The following RAF1 variants were observed in gnomAD, a reference collection of about 807,000 sequenced individuals.
The protein encoded by RAF1 is RAF proto-oncogene serine/threonine-protein kinase.
RAF1 carries 27 observed loss-of-function variants against 81.1 expected under a neutral mutation model. That is an observed-to-expected ratio of 0.33 (90% CI 0.25 to 0.46). The LOEUF is 0.46. Among genes scored for constraint, RAF1 ranks in the 20% least tolerant of loss-of-function variants. RAF1 has a pLI of 1.00. For synonymous variants in RAF1, 298 were observed against 294.0 expected, an observed-to-expected ratio of 1.01 and a Z score of -0.14; for missense variants, 598 against 826.0, an observed-to-expected ratio of 0.72 and a Z score of 3.38.
intron 1 of RAF1, among the ~76,000 whole-genome samples, chr3:12,621,517 G>A (rs1325552328): frequency 6.6e-6 from 1 of 152,178 alleles, no homozygotes; most frequent in Non-Finnish European, 1.5e-5. Flanking sequence ...TCACAACATG[G>A]AGTTATTCTC....
At position 12,598,725 on chromosome 3, in the gene RAF1, C is replaced by CAAAAAAAAAAAAAAAAA. The variant is rs59472802; in HGVS notation, c.1168+949_1168+965dup. 9.8e-4 allele frequency among the ~76,000 whole-genome samples: 61 copies of CAAAAAAAAAAAAAAAAA among 61,990 alleles called. 2 individuals carry two copies. The highest frequency in any genetic ancestry group is 1.5e-3 in the Non-Finnish European group (47 of 32,144). The allele number at this position is 61,990 out of a possible 152,430, so 40.7% of individuals were successfully genotyped here. A position where few individuals can be genotyped will look rare whatever the true frequency, so the allele number is the denominator to read the frequency against. On this transcript the variant is annotated intron_variant, in intron 11 of 17. Transcript: ENST00000442415. ...TGGGCAACAGAGCAAGAATCTATCT[C>CAAAAAAAAAAAAAAAAA]AAAAAAAAAAAAAAAAAAAAAAAAA...
At chr3:12,597,925 TATAA>T (rs557574188) in intron 11 of RAF1, among the ~76,000 whole-genome samples, 101 of 149,590 alleles carry the variant, frequency 6.8e-4, no homozygotes, top group African/African-American at 2.4e-3. Flanking sequence ...TCTAAATACA[TATAA>T]ATAAATATTC....
chr3:12,660,566 G>T (rs1575693547), intron 1 of RAF1, among the ~76,000 whole-genome samples: 2 of 152,096 alleles, frequency 1.3e-5, no homozygotes, highest in South Asian at 2.1e-4. Flanking sequence ...CACCAGCCTC[G>T]GCCTCCCAAA....
chr3:12,658,736 C>T (rs2125587331), intron 1 of RAF1, among the ~76,000 whole-genome samples: 1 of 152,212 alleles, frequency 6.6e-6, no homozygotes, highest in East Asian at 1.9e-4. Flanking sequence ...ATTGTTAAGC[C>T]CCACCCAGTA....
chr3:12,608,987 T>G, intron 4 of RAF1, 64 bp from the exon 5 acceptor site: 1 of 1,584,568 alleles, frequency 6.3e-7, no homozygotes, highest in Non-Finnish European at 8.6e-7. Context: ...GACAACTTCA[T>G]TTCTTGGCCT....
chr3:12,637,553 T>C (rs553942340), intron 1 of RAF1, among the ~76,000 whole-genome samples: 9 of 152,164 alleles, frequency 5.9e-5, no homozygotes, highest in Non-Finnish European at 1.3e-4. Context: ...CTGTCCTCTA[T>C]GGAGCACAGT....
intron 1 of RAF1, among the ~76,000 whole-genome samples, chr3:12,644,800 A>C (rs764621134): frequency 6.6e-6 from 1 of 152,058 alleles, no homozygotes; most frequent in Non-Finnish European, 1.5e-5. Flanking sequence ...ACTATATTTC[A>C]CTCAAAAATA....
chr3:12,614,984 G>A (rs1487568349), intron 2 of RAF1, among the ~76,000 whole-genome samples: 2 of 152,186 alleles, frequency 1.3e-5, no homozygotes, highest in East Asian at 1.9e-4. Context: ...AAATCATACT[G>A]CAAGCTGGAC....
intron 5 of RAF1, among the ~76,000 whole-genome samples, chr3:12,606,704 GTATT>G (rs2059040885): frequency 6.6e-6 from 1 of 150,926 alleles, no homozygotes; most frequent in African/African-American, 2.5e-5. Context: ...GCTAATTTTC[GTATT>G]TTTTTTTTAA....
At chr3:12,635,637 C>CA (rs34576938) in intron 1 of RAF1, among the ~76,000 whole-genome samples, 187 of 73,158 alleles carry the variant, frequency 2.6e-3, no homozygotes, top group Non-Finnish European at 3.4e-3. Flanking sequence ...ACTCCAGCTC[C>CA]AAAAAAAAAA....
intron 14 of RAF1, 187 bp from the exon 14 acceptor site, chr3:12,585,986 G>C (rs1017513323): frequency 3.6e-5 from 21 of 590,958 alleles, no homozygotes; most frequent in Non-Finnish European, 5.5e-5. Context: ...CCAGAAGACA[G>C]GCAGGGATTG....
chr3:12,624,771 G>A (rs2059649298), intron 1 of RAF1, among the ~76,000 whole-genome samples: 4 of 151,886 alleles, frequency 2.6e-5, no homozygotes, highest in Admixed American at 1.3e-4. Flanking sequence ...GGAGACCAAG[G>A]TGGATGGATC....
At chr3:12,641,490 GTTT>G (rs747472648) in intron 1 of RAF1, among the ~76,000 whole-genome samples, 14 of 134,596 alleles carry the variant, frequency 1.0e-4, no homozygotes, top group East Asian at 2.2e-4. Context: ...ATGTTTTTTG[GTTT>G]TTTTTTTTTT....
rs755384884 is a variant in RAF1 at position 12,599,801 on chromosome 3, C to T, written c.1058G>A (p.Arg353His). The change falls in exon 11 of 18, where the codon CGT (arginine) becomes CAT (histidine). Residue 353 changes from arginine to histidine, a missense_variant. Physicochemically the swap from Arg to His is conservative, Grantham distance 29. Transcript: ENST00000442415. ...ATAATAGCTTGAATCTCTCTGTCCA[C>T]GAGGCCTCTGAAACAAGTAGAGATC... is the stretch of plus-strand genomic sequence containing the variant. 5 of 1,612,910 alleles carry T rather than the reference C, an allele frequency of 3.1e-6. No individual in the cohort carries two copies. The highest frequency in any genetic ancestry group is 4.2e-6 in the Non-Finnish European group (5 of 1,178,860).
rs1028137287 is a variant in RAF1, at chr3:12,649,568, C to G, written c.-27+14245G>C. Among the ~76,000 whole-genome samples the G allele has an allele frequency of 2.4e-4, 36 of 147,132 alleles. No individual in the cohort carries two copies. In the Admixed American group the frequency reaches 2.5e-3, roughly 10 times the overall value. On this transcript the variant is annotated intron_variant, in intron 1 of 17. Coordinates refer to ENST00000442415, the MANE Select transcript of RAF1 (RefSeq NM_001354689.3). ...GAGCTATGATCGTGCCACTGCACTCCAGCATGGGGGCCAGAGACTGTCACA... is the reference window on the plus strand; with the variant it reads ...GAGCTATGATCGTGCCACTGCACTCGAGCATGGGGGCCAGAGACTGTCACA...
chr3:12,632,052 G>C (rs57884385), intron 1 of RAF1, among the ~76,000 whole-genome samples: 32,190 of 151,916 alleles, frequency 0.21, 3,668 homozygotes, highest in African/African-American at 0.29. Flanking sequence ...TTTTGGCAGG[G>C]CACAGTGGCT....
At chr3:12,589,757 C>T (rs2058442405) in intron 13 of RAF1, 1 of 151,584 alleles carries the variant, frequency 6.6e-6, no homozygotes, top group South Asian at 2.1e-4. Context: ...AGAGTGAGAA[C>T]CTGTGTCTCT....
intron 2 of RAF1, among the ~76,000 whole-genome samples, chr3:12,617,943 C>T (rs186962253): frequency 1.3e-5 from 2 of 151,558 alleles, no homozygotes; most frequent in Admixed American, 1.3e-4. Context: ...GTGGCAGTGT[C>T]CTGCCATGAT....
chr3:12,612,169 C>T (rs1461969255), intron 2 of RAF1, 107 bp from the exon 3 acceptor site: 2 of 836,466 alleles, frequency 2.4e-6, no homozygotes, highest in African/African-American at 1.7e-5. Flanking sequence ...ATGGCCCACG[C>T]ACACACACAT....
Sources: allele counts gnomAD v4.1 joint callset (sites outside exome capture counted in the v4.1 genomes callset), GRCh38; gene constraint gnomAD v4.1.1; transcripts MANE v1.5; gene names NCBI Gene and HGNC (gene_info 2026-07-23, HGNC 2026-07-21).